The following CALML4 variants were observed in gnomAD, a reference collection of about 807,000 sequenced individuals.
CALML4 encodes calmodulin-like protein 4.
Under a neutral mutation model 17.9 loss-of-function variants are expected in CALML4, and 16 were observed. The observed-to-expected ratio is 0.89, with a 90% CI of 0.61 to 1.36. CALML4 has a LOEUF of 1.36. Among genes scored for constraint, CALML4 ranks in the 40% most tolerant of loss-of-function variants. CALML4 has a pLI of 0.00. For synonymous variants in CALML4, 86 were observed against 71.5 expected, an observed-to-expected ratio of 1.20 and a Z score of -1.02; for missense variants, 203 against 194.8, an observed-to-expected ratio of 1.04 and a Z score of -0.25.
rs1429316871 is a variant in CALML4 at position 68,197,199 on chromosome 15, C to G, written c.364+241G>C. On this transcript the variant is annotated intron_variant, in intron 4 of 4. Coordinates refer to ENST00000467889, the MANE Select transcript of CALML4 (RefSeq NM_033429.3). The surrounding 1 kb of genome is among the most constrained non-coding windows in gnomAD (Gnocchi z 4.1). ...GCTGCCCTGCCTTGTGGGTTCCGAG[C>G]TGGGTTTCCCCTAGGCTGTCCCTTC... 6.6e-6 allele frequency among the ~76,000 whole-genome samples: 1 copy of G among 152,118 alleles called. No individual in the cohort carries two copies. Among genetic ancestry groups the G allele is most frequent in the Non-Finnish European group, 1.5e-5 (1 of 68,012 alleles).
rs11071989 is a variant in CALML4 at position 68,204,049 on chromosome 15, A to G, written c.34+1072T>C. On this transcript the variant is annotated intron_variant, in intron 2 of 4. Transcript: ENST00000467889. The surrounding 1 kb of genome is among the most constrained non-coding windows in gnomAD (Gnocchi z 6.0). ...CACCGTTAGACCTGGACAAGAGGGC[A>G]CTGCCCCGGGCCCTGTGTTTTAAAA... Among the ~76,000 whole-genome samples the G allele has an allele frequency of 0.068, 10,369 of 152,192 alleles. 979 individuals are homozygous for G. The highest frequency in any genetic ancestry group is 0.21 in the African/African-American group (8,862 of 41,496).
In CALML4 at chr15:68,200,165, G is replaced by A. The variant is rs1212758174; in HGVS notation, c.35-484C>T. Among the ~76,000 whole-genome samples, 2 of 152,156 alleles carry A rather than the reference G, an allele frequency of 1.3e-5. No individual in the cohort carries two copies. Among genetic ancestry groups the A allele is most frequent in the Non-Finnish European group, 2.9e-5 (2 of 68,022 alleles). On this transcript the variant is annotated intron_variant, in intron 2 of 4. Coordinates refer to ENST00000467889, the MANE Select transcript of CALML4 (RefSeq NM_033429.3). The surrounding 1 kb of genome is among the most constrained non-coding windows in gnomAD (Gnocchi z 4.3). ...GGACCTCTGCAAACACAACTTTTCTGGACAATGGGAATAATAAGGCCTCAG... is the reference window on the plus strand; with the variant it reads ...GGACCTCTGCAAACACAACTTTTCTAGACAATGGGAATAATAAGGCCTCAG...
At chr15:68,205,368 G>A (rs199848261), upstream of CALML4, 14 of 1,613,740 alleles carry the variant, frequency 8.7e-6, no homozygotes, top group Admixed American at 1.0e-4. The surrounding 1 kb of genome is among the most constrained non-coding windows in gnomAD (Gnocchi z 4.8). Flanking sequence ...ATAAATGCTC[G>A]GCTGCCATGG....
At chr15:68,195,199 C>T (rs886813468) in intron 4 of CALML4, among the ~76,000 whole-genome samples, 8 of 152,166 alleles carry the variant, frequency 5.3e-5, no homozygotes, top group Non-Finnish European at 1.2e-4. Context: ...GGCTCTTTAG[C>T]CTGTCCTCAT....
intron 2 of CALML4, among the ~76,000 whole-genome samples, chr15:68,201,429 T>C (rs912622214): frequency 2.0e-5 from 3 of 152,176 alleles, no homozygotes; most frequent in African/African-American, 7.2e-5. Context: ...ATCACAGAGC[T>C]TAACCTTAGC....
intron 3 of CALML4, among the ~76,000 whole-genome samples, chr15:68,199,237 A>G (rs1035197790): frequency 1.2e-4 from 18 of 152,176 alleles, no homozygotes; most frequent in African/African-American, 4.1e-4. Flanking sequence ...CAAATACTCA[A>G]CAAAGGGAAA....
upstream of CALML4, chr15:68,205,571 G>C: frequency 3.1e-6 from 2 of 648,048 alleles, no homozygotes; most frequent in Non-Finnish European, 5.2e-6. The surrounding 1 kb of genome is among the most constrained non-coding windows in gnomAD (Gnocchi z 4.8). Flanking sequence ...TGGACTCCAG[G>C]AAGGGGTCTT....
Position 68,204,991 on chromosome 15 carries a change from T to C in CALML4, c.34+130A>G. 9.4e-7 allele frequency: 1 copy of C among 1,059,478 alleles called. No individual in the cohort carries two copies. Among genetic ancestry groups the C allele is most frequent in the Non-Finnish European group, 1.4e-6 (1 of 709,514 alleles). 65.6% of individuals were successfully genotyped at this position (1,059,478 alleles called of 1,614,324 possible). Reference sequence around the variant, plus strand: ...CCGCCAACAGCAGCCTCCCCGCAGCTCTTGGCCCTGGGTGGGCCCAGCTCT... The same window carrying C: ...CCGCCAACAGCAGCCTCCCCGCAGCCCTTGGCCCTGGGTGGGCCCAGCTCT... On this transcript the variant is annotated intron_variant, in intron 2 of 4. Coordinates refer to ENST00000467889, the MANE Select transcript of CALML4 (RefSeq NM_033429.3). This position sits in a 1 kb window ranked among gnomAD's most constrained non-coding sequence, Gnocchi z 6.0.
In CALML4 at chr15:68,191,923, T is replaced by C. The variant is rs1367569743; in HGVS notation, c.*2092A>G. The C allele has an allele frequency of 6.6e-6, 1 of 152,234 alleles. No individual in the cohort carries two copies. The highest frequency in any genetic ancestry group is 2.4e-5 in the African/African-American group (1 of 41,456). 9.4% of individuals were successfully genotyped at this position (152,234 alleles called of 1,614,324 possible). A position where few individuals can be genotyped will look rare whatever the true frequency, so the allele number is the denominator to read the frequency against. ...CGTGAAGAGGAGCCCCAGGTTCTAA[T>C]GACCATTCCACACCAACTGTGTGTT... On this transcript the variant is annotated 3_prime_UTR_variant, in exon 5 of 5. Coordinates refer to ENST00000467889, the MANE Select transcript of CALML4 (RefSeq NM_033429.3).
chr15:68,191,004 T>C lies in CALML4; in HGVS notation c.*3011A>G, dbSNP rs2093117013. On this transcript the variant is annotated 3_prime_UTR_variant, in exon 5 of 5. Transcript: ENST00000467889. ...GCATTTTTTTAGACAATTTCAATTT[T>C]AAACACATAAAACTTTCAAGATCTT... 6.6e-6 allele frequency: 1 copy of C among 152,378 alleles called. No individual in the cohort carries two copies. The highest frequency in any genetic ancestry group is 6.5e-5 in the Admixed American group (1 of 15,274). 9.4% of individuals were successfully genotyped at this position (152,378 alleles called of 1,614,324 possible). A position where few individuals can be genotyped will look rare whatever the true frequency, so the allele number is the denominator to read the frequency against.
rs1437825592 is a variant in CALML4, at chr15:68,194,037, G to T, written c.440C>A (p.Thr147Asn). 1 of 1,613,830 alleles carries T rather than the reference G, an allele frequency of 6.2e-7. No individual in the cohort carries two copies. The highest frequency in any genetic ancestry group is 1.1e-5 in the South Asian group (1 of 91,082). ...VKYDEFIHKI[T>N]LPGRDY Reference sequence around the variant, plus strand: ...CCTTCAATAGTCCCGTCCAGGAAGGGTGATCTTGTGGATAAATTCATCATA... The same window carrying T: ...CCTTCAATAGTCCCGTCCAGGAAGGTTGATCTTGTGGATAAATTCATCATA... The change falls in exon 5 of 5, where the codon ACC (threonine) becomes AAC (asparagine). Residue 147 changes from threonine (T) to asparagine (N), a missense_variant. By Grantham distance (65) the Thr-to-Asn change is moderately conservative (BLOSUM62 0). Coordinates refer to ENST00000467889, the MANE Select transcript of CALML4 (RefSeq NM_033429.3).
rs2093117025 is a variant in CALML4, at chr15:68,191,007, A to G, written c.*3008T>C. 1.3e-5 allele frequency: 2 copies of G among 152,384 alleles called. No homozygotes were observed. Among genetic ancestry groups the G allele is most frequent in the South Asian group, 4.1e-4 (2 of 4,836 alleles). 9.4% of individuals were successfully genotyped at this position (152,384 alleles called of 1,614,324 possible). The stretch of plus-strand genomic sequence containing the variant: ...TTTTTTTAGACAATTTCAATTTTAA[A>G]CACATAAAACTTTCAAGATCTTCAG... On this transcript the variant is annotated 3_prime_UTR_variant, in exon 5 of 5. Transcript: ENST00000467889.
intron 2 of CALML4, among the ~76,000 whole-genome samples, chr15:68,202,807 CTTTTTTT>C (rs35057668): frequency 4.2e-5 from 4 of 95,032 alleles, no homozygotes; most frequent in African/African-American, 1.5e-4. Flanking sequence ...CCATGACCGG[CTTTTTTT>C]TTTTTTTTTT....
chr15:68,193,962 A>T lies in CALML4; in HGVS notation c.*53T>A. On this transcript the variant is annotated 3_prime_UTR_variant, in exon 5 of 5. Coordinates refer to ENST00000467889, the MANE Select transcript of CALML4 (RefSeq NM_033429.3). ...AGTGAAAAGAACACTTTTTAAAAAA[A>T]ATTAATTGCTCCAAGTTTTCAGGCC... 2 of 1,366,130 alleles carry T rather than the reference A, an allele frequency of 1.5e-6. No individual in the cohort carries two copies. The highest frequency in any genetic ancestry group is 2.1e-6 in the Non-Finnish European group (2 of 964,448). The allele number at this position is 1,366,130 out of a possible 1,614,324, so 84.6% of individuals were successfully genotyped here.
Position 68,200,362 on chromosome 15 carries a change from T to TA in CALML4, c.35-682dup, listed in dbSNP as rs371602134. On this transcript the variant is annotated intron_variant, in intron 2 of 4. Transcript: ENST00000467889. This position sits in a 1 kb window ranked among gnomAD's most constrained non-coding sequence, Gnocchi z 4.3. ...TGGACTCGGGCCCTGGTCCTGTTCT[T>TA]AGAGACTTCAAAGGGTCCTGCTGGG... Among the ~76,000 whole-genome samples, 86 of 152,304 alleles carry TA rather than the reference T, an allele frequency of 5.6e-4. No individual in the cohort carries two copies. In the East Asian group the frequency reaches 0.012, roughly 22 times the overall value.
chr15:68,199,745 C>T (rs1426595233), intron 2 of CALML4, 64 bp from the exon 3 acceptor site: 1 of 1,532,618 alleles, frequency 6.5e-7, no homozygotes, highest in Non-Finnish European at 8.9e-7. Context: ...CCGCCCTCCC[C>T]ATCCTTAGTC....
chr15:68,196,740 G>A (rs377316741), intron 4 of CALML4, among the ~76,000 whole-genome samples: 41 of 152,272 alleles, frequency 2.7e-4, no homozygotes, highest in African/African-American at 9.6e-4. Flanking sequence ...TTTCCTAGAA[G>A]ACCCCAGGCC....
rs531064393 is a variant in CALML4, at chr15:68,201,314, C to T, written c.35-1633G>A. Among the ~76,000 whole-genome samples the T allele has an allele frequency of 7.9e-5, 12 of 152,352 alleles. No homozygotes were observed. The South Asian group carries it at 2.3e-3, about 29-fold the overall frequency. On this transcript the variant is annotated intron_variant, in intron 2 of 4. Transcript: ENST00000467889. ...GCAGGGCCAGAGCCTGGCCTAAGAC[C>T]CCAGGTTTAGTTCCCATAAAACCCA...
chr15:68,197,525 C>G lies in CALML4; in HGVS notation c.279G>C (p.Val93=), dbSNP rs368990537. ...TGACGTAACCTTTCTTCTCCTTGTC[C>G]ACCATCAACATGGCTAGAAGAATTT... is the stretch of plus-strand genomic sequence containing the variant. The part of the protein sequence containing the change: ...KKEILLAMLM[V]DKEKKGYVMA... Residue 93 remains valine, a synonymous_variant, in exon 4 of 5, where the codon GTG becomes GTC. Coordinates refer to ENST00000467889, the MANE Select transcript of CALML4 (RefSeq NM_033429.3). This position sits in a 1 kb window ranked among gnomAD's most constrained non-coding sequence, Gnocchi z 4.1. The G allele has an allele frequency of 1.2e-6, 2 of 1,614,044 alleles. No homozygotes were observed. Among genetic ancestry groups the G allele is most frequent in the African/African-American group, 2.7e-5 (2 of 74,928 alleles).
Sources: gnomAD v4.1 joint callset for allele counts (sites outside exome capture counted in the v4.1 genomes callset) on GRCh38, gnomAD v4.1.1 for gene constraint, Gnocchi (gnomAD v3.1) non-coding constraint, MANE v1.5 for transcripts, NCBI Gene and HGNC (gene_info 2026-07-23, HGNC 2026-07-21) for gene names.